The following NDST4 variants were observed in gnomAD, a reference collection of about 807,000 sequenced individuals.
NDST4 encodes the protein N-deacetylase and N-sulfotransferase 4, also known as N-heparan sulfate sulfotransferase 4.
A neutral mutation model predicts 100.8 loss-of-function variants in NDST4; 63 were observed. The ratio of observed to expected loss-of-function variants is 0.62; its 90% CI spans 0.51 to 0.77. NDST4 has a LOEUF of 0.77. Among genes scored for constraint, NDST4 ranks in the 30% least tolerant of loss-of-function variants. NDST4 has a pLI of 0.00. For missense variants in NDST4, 943 were observed against 1,018.4 expected, an observed-to-expected ratio of 0.93 and a Z score of 1.01; for synonymous variants, 377 against 361.8, an observed-to-expected ratio of 1.04 and a Z score of -0.48.
chr4:115,037,416 A>C (rs1431594926), intron 2 of NDST4, among the ~76,000 whole-genome samples: 1 of 152,118 alleles, frequency 6.6e-6, no homozygotes, highest in Non-Finnish European at 1.5e-5. Flanking sequence ...TGTAGATCAA[A>C]AGTTAAGTAT....
intron 2 of NDST4, among the ~76,000 whole-genome samples, chr4:115,016,328 G>A (rs1242439264): frequency 6.6e-6 from 1 of 152,000 alleles, no homozygotes; most frequent in Non-Finnish European, 1.5e-5. Context: ...TCCAGTATAC[G>A]GTACTGCTTA....
At chr4:115,031,407 C>T (rs1247325434) in intron 2 of NDST4, among the ~76,000 whole-genome samples, 1 of 152,042 alleles carries the variant, frequency 6.6e-6, no homozygotes, top group African/African-American at 2.4e-5. Flanking sequence ...GTGAATATAG[C>T]TTGTGCCATC....
chr4:114,873,309 A>C (rs1284084276), intron 6 of NDST4, among the ~76,000 whole-genome samples: 1 of 151,726 alleles, frequency 6.6e-6, no homozygotes, highest in Non-Finnish European at 1.5e-5. Flanking sequence ...CTTAAATTTA[A>C]GTTAAACCAC....
intron 1 of NDST4, among the ~76,000 whole-genome samples, chr4:115,101,566 T>G (rs1163787935): frequency 6.6e-6 from 1 of 151,986 alleles, no homozygotes; most frequent in African/African-American, 2.4e-5. Context: ...AATAAATATT[T>G]GTGATAAAAG....
intron 6 of NDST4, among the ~76,000 whole-genome samples, chr4:114,873,884 C>G (rs1014070120): frequency 3.9e-5 from 6 of 151,986 alleles, no homozygotes; most frequent in African/African-American, 1.2e-4. Flanking sequence ...AGAAATCTAC[C>G]ACCTGCCTTC....
intron 6 of NDST4, among the ~76,000 whole-genome samples, chr4:114,888,681 A>C (rs950700814): frequency 2.0e-5 from 3 of 152,168 alleles, no homozygotes; most frequent in African/African-American, 7.2e-5. Flanking sequence ...TCTCCTTGTT[A>C]ATCCATAAGT....
intron 6 of NDST4, among the ~76,000 whole-genome samples, chr4:114,929,066 GTCCGTCCGTCCATCCA>G (rs1424798911): frequency 3.0e-5 from 3 of 99,196 alleles, no homozygotes; most frequent in South Asian, 4.0e-4. Context: ...CCGTCCGTCC[GTCCGTCCGTCCATCCA>G]TCCATCCATC....
intron 3 of NDST4, among the ~76,000 whole-genome samples, chr4:114,975,778 C>T (rs1726619552): frequency 6.6e-6 from 1 of 151,994 alleles, no homozygotes; most frequent in African/African-American, 2.4e-5. Context: ...ATAATTTTTC[C>T]CCCTGCATGA....
At chr4:114,898,877 CT>C (rs1724772755) in intron 6 of NDST4, among the ~76,000 whole-genome samples, 1 of 151,608 alleles carries the variant, frequency 6.6e-6, no homozygotes, top group South Asian at 2.1e-4. Context: ...AACTTTGTAC[CT>C]TGTGACCTAT....
At chr4:114,959,644 C>T (rs145427480) in intron 4 of NDST4, among the ~76,000 whole-genome samples, 1 of 152,088 alleles carries the variant, frequency 6.6e-6, no homozygotes, top group Non-Finnish European at 1.5e-5. Context: ...GGTAGGGACA[C>T]AGCCAAACCA....
At chr4:114,866,888 A>G (rs1724037959) in intron 7 of NDST4, among the ~76,000 whole-genome samples, 1 of 152,216 alleles carries the variant, frequency 6.6e-6, no homozygotes, top group African/African-American at 2.4e-5. Context: ...ATAAATTCAC[A>G]CTGAACATAC....
chr4:114,841,714 A>G (rs934537381), intron 10 of NDST4, among the ~76,000 whole-genome samples: 1 of 152,212 alleles, frequency 6.6e-6, no homozygotes, highest in Non-Finnish European at 1.5e-5. Flanking sequence ...CTGAAAAAAT[A>G]AGTTTATCTT....
At chr4:115,035,708 A>G (rs538156554) in intron 2 of NDST4, among the ~76,000 whole-genome samples, 35 of 152,166 alleles carry the variant, frequency 2.3e-4, no homozygotes, top group African/African-American at 7.0e-4. Context: ...CTATATGACT[A>G]CGAGTTGAAG....
intron 2 of NDST4, among the ~76,000 whole-genome samples, chr4:115,059,702 C>A (rs752805345): frequency 7.2e-5 from 11 of 151,924 alleles, no homozygotes; most frequent in Non-Finnish European, 1.5e-4. Context: ...TTTTAAAAAG[C>A]GGGTACATTC....
intron 1 of NDST4, among the ~76,000 whole-genome samples, chr4:115,095,185 T>C (rs867363704): frequency 3.3e-5 from 5 of 152,084 alleles, no homozygotes; most frequent in Non-Finnish European, 5.9e-5. Context: ...TCCTTCATTA[T>C]GCCATTTATC....
chr4:114,913,731 GAAAAAAA>G (rs56189208), intron 6 of NDST4, among the ~76,000 whole-genome samples: 3 of 125,992 alleles, frequency 2.4e-5, no homozygotes, highest in Non-Finnish European at 3.5e-5. Flanking sequence ...CTATCTCCAA[GAAAAAAA>G]AAAAAAAAAA....
chr4:114,828,865 T>C (rs1723137229), intron 13 of NDST4, among the ~76,000 whole-genome samples: 1 of 152,216 alleles, frequency 6.6e-6, no homozygotes, highest in Non-Finnish European at 1.5e-5. Context: ...GCAACTTTTG[T>C]GTATACTGTG....
At position 115,000,184 on chromosome 4, in the gene NDST4, G is replaced by C. The variant is rs972363825; in HGVS notation, c.979-22910C>G. On this transcript the variant is annotated intron_variant, in intron 2 of 13. Transcript: ENST00000264363. ...CACTTCCAAAATGTGATGGCAACTA[G>C]ATCATCTGACATTAAGAGGAACTGA... Among the ~76,000 whole-genome samples the C allele has an allele frequency of 8.6e-5, 13 of 150,890 alleles. No individual in the cohort carries two copies. The Admixed American group carries it at 8.7e-4, about 10-fold the overall frequency.
intron 2 of NDST4, among the ~76,000 whole-genome samples, chr4:115,004,939 A>G (rs1427918273): frequency 6.6e-6 from 1 of 152,234 alleles, no homozygotes; most frequent in Admixed American, 6.5e-5. Context: ...ACTATTTTTC[A>G]ACATTCATGA....
Sources: gnomAD v4.1 joint callset for allele counts (sites outside exome capture counted in the v4.1 genomes callset) on GRCh38, gnomAD v4.1.1 for gene constraint, MANE v1.5 for transcripts, NCBI Gene and HGNC (gene_info 2026-07-23, HGNC 2026-07-21) for gene names.